The following INTS9 variants were observed in gnomAD, a reference collection of about 807,000 sequenced individuals.
The protein encoded by INTS9 is integrator complex subunit 9.
A neutral mutation model predicts 79.7 loss-of-function variants in INTS9; 55 were observed. That is an observed-to-expected ratio of 0.69 (90% CI 0.56 to 0.86). INTS9 has a LOEUF of 0.86. Among genes scored for constraint, INTS9 ranks in the 40% least tolerant of loss-of-function variants. The pLI is 0.00. For missense variants in INTS9, 721 were observed against 831.5 expected, an observed-to-expected ratio of 0.87 and a Z score of 1.64; for synonymous variants, 319 against 325.2, an observed-to-expected ratio of 0.98 and a Z score of 0.20.
intron 2 of INTS9, among the ~76,000 whole-genome samples, chr8:28,852,637 C>A (rs976663585): frequency 6.6e-6 from 1 of 152,170 alleles, no homozygotes; most frequent in Non-Finnish European, 1.5e-5. Flanking sequence ...CTGTCCGTTC[C>A]CCATCAGACC....
At chr8:28,879,250 C>T (rs1370246256) in intron 1 of INTS9, among the ~76,000 whole-genome samples, 1 of 152,078 alleles carries the variant, frequency 6.6e-6, no homozygotes, top group Non-Finnish European at 1.5e-5. Context: ...GAATTTATTC[C>T]AGGAATGCAA....
intron 1 of INTS9, among the ~76,000 whole-genome samples, chr8:28,879,167 A>C (rs573448594): frequency 6.6e-6 from 1 of 152,346 alleles, no homozygotes; most frequent in East Asian, 1.9e-4. Flanking sequence ...ATATATACAC[A>C]AACATCCTCA....
At chr8:28,882,430 T>G (rs1456673185) in intron 1 of INTS9, among the ~76,000 whole-genome samples, 1 of 126,404 alleles carries the variant, frequency 7.9e-6, no homozygotes. Context: ...CAAATCCCCC[T>G]CTGCGAGAAA....
chr8:28,770,168 A>G (rs1009918669), intron 15 of INTS9, 142 bp from the exon 16 acceptor site: 3 of 1,072,946 alleles, frequency 2.8e-6, no homozygotes, highest in Non-Finnish European at 3.9e-6. Flanking sequence ...CACTCGGTTC[A>G]GGTTCCCTGG....
At chr8:28,824,116 A>T (rs951154704) in intron 6 of INTS9, among the ~76,000 whole-genome samples, 6 of 152,332 alleles carry the variant, frequency 3.9e-5, no homozygotes. Flanking sequence ...TGACACGCAT[A>T]ATATAGGGCT....
At chr8:28,855,906 T>C (rs184172287) in intron 2 of INTS9, among the ~76,000 whole-genome samples, 1 of 152,296 alleles carries the variant, frequency 6.6e-6, no homozygotes, top group Admixed American at 6.5e-5. Context: ...CACTCTCAAA[T>C]GGGTCAGAAA....
At chr8:28,836,751 T>G (rs1806826606) in intron 5 of INTS9, among the ~76,000 whole-genome samples, 1 of 152,130 alleles carries the variant, frequency 6.6e-6, no homozygotes, top group African/African-American at 2.4e-5. Flanking sequence ...TCACTTCGAG[T>G]GTTTTACTTT....
intron 1 of INTS9, among the ~76,000 whole-genome samples, chr8:28,875,759 T>G (rs1355529599): frequency 6.6e-6 from 1 of 152,182 alleles, no homozygotes; most frequent in African/African-American, 2.4e-5. Flanking sequence ...ATCACATACA[T>G]TGAATATACA....
chr8:28,887,041 G>A (rs1220081995), intron 1 of INTS9, among the ~76,000 whole-genome samples: 1 of 152,098 alleles, frequency 6.6e-6, no homozygotes, highest in Non-Finnish European at 1.5e-5. Context: ...ATCTACATGG[G>A]GGAGGACAGA....
chr8:28,806,009 C>T (rs1467254367), intron 8 of INTS9, among the ~76,000 whole-genome samples: 3 of 151,786 alleles, frequency 2.0e-5, no homozygotes, highest in African/African-American at 7.3e-5. Flanking sequence ...GTGGACCGAT[C>T]GCTTGAGGCC....
chr8:28,877,343 A>T lies in INTS9; in HGVS notation c.9+12531T>A, dbSNP rs548600169. 5.5e-4 allele frequency among the ~76,000 whole-genome samples: 83 copies of T among 152,290 alleles called. 2 individuals are homozygous for T. The South Asian group carries it at 0.017, about 31-fold the overall frequency. ...AAATATGCTCCACATTGCATACATA[A>T]TGTGAGAAAAATCAAATTTAAAATA... On this transcript the variant is annotated intron_variant, in intron 1 of 16. Coordinates refer to ENST00000521022, the MANE Select transcript of INTS9 (RefSeq NM_018250.4).
rs148571589 is a variant in INTS9, at chr8:28,803,491, G to A, written c.745-6836C>T. 1.4e-3 allele frequency among the ~76,000 whole-genome samples: 215 copies of A among 152,218 alleles called. 3 individuals are homozygous for A. In the East Asian group the frequency reaches 0.036, roughly 26 times the overall value. On this transcript the variant is annotated intron_variant, in intron 8 of 16. Transcript: ENST00000521022. ...TATTACCATTTTTAAACTGTGTCCT[G>A]GGCCCTTTTTCTGGGCAGACTGTAC...
At chr8:28,844,439 T>C (rs905957094) in intron 4 of INTS9, among the ~76,000 whole-genome samples, 1 of 151,460 alleles carries the variant, frequency 6.6e-6, no homozygotes, top group African/African-American at 2.4e-5. Flanking sequence ...ACTTGGGAGG[T>C]TGAGGTGGGA....
chr8:28,884,067 T>G (rs12547794), intron 1 of INTS9, among the ~76,000 whole-genome samples: 26,620 of 151,900 alleles, frequency 0.18, 2,594 homozygotes, highest in South Asian at 0.29. Flanking sequence ...GCTGTAATAC[T>G]TCTATTAGTA....
At chr8:28,865,255 A>AT (rs202018633) in intron 1 of INTS9, among the ~76,000 whole-genome samples, 1 of 151,902 alleles carries the variant, frequency 6.6e-6, no homozygotes, top group Non-Finnish European at 1.5e-5. Flanking sequence ...ATAAAATTTT[A>AT]TTTTAAAAAA....
chr8:28,860,225 G>C (rs868493309), intron 1 of INTS9, among the ~76,000 whole-genome samples: 2 of 152,218 alleles, frequency 1.3e-5, no homozygotes, highest in Non-Finnish European at 1.5e-5. Context: ...TGTCTTCAAA[G>C]GAGAGTGAAC....
intron 6 of INTS9, among the ~76,000 whole-genome samples, chr8:28,829,503 A>G (rs1806347557): frequency 6.6e-6 from 1 of 152,204 alleles, no homozygotes; most frequent in Admixed American, 6.5e-5. Flanking sequence ...ATCAAATGCT[A>G]ATTCAAGCTA....
At chr8:28,857,012 G>A (rs1415941129) in intron 2 of INTS9, among the ~76,000 whole-genome samples, 3 of 152,122 alleles carry the variant, frequency 2.0e-5, no homozygotes. Context: ...AAGAATAATG[G>A]CCTCCAGTTG....
chr8:28,856,438 C>T (rs1218789503), intron 2 of INTS9, among the ~76,000 whole-genome samples: 2 of 151,312 alleles, frequency 1.3e-5, no homozygotes, highest in African/African-American at 2.5e-5. Flanking sequence ...TTTTTTGAGA[C>T]ACGGTCTCTC....
Sources: gnomAD v4.1 joint callset for allele counts (sites outside exome capture counted in the v4.1 genomes callset) on GRCh38, gnomAD v4.1.1 for gene constraint, MANE v1.5 for transcripts, NCBI Gene and HGNC (gene_info 2026-07-23, HGNC 2026-07-21) for gene names.